Variants in NRXN1 observed in about 807,000 individuals in gnomAD.
NRXN1 encodes the protein neurexin-1.
A neutral mutation model predicts 150.9 loss-of-function variants in NRXN1; 39 were observed. That is an observed-to-expected ratio of 0.26 (90% CI 0.20 to 0.34). The LOEUF (loss-of-function observed/expected upper bound fraction) is 0.34. NRXN1 is among the 10% of genes least tolerant of loss of function. NRXN1 has a pLI of 1.00. For synonymous variants in NRXN1, 924 were observed against 757.0 expected (o/e 1.22, Z -3.62); for missense variants, 1,815 against 1,949.9 (o/e 0.93, Z 1.30).
intron 2 of NRXN1, among the ~76,000 whole-genome samples, chr2:51,023,164 G>A (rs1400006678): frequency 1.3e-5 from 2 of 152,136 alleles, no homozygotes; most frequent in African/African-American, 4.8e-5. Context: ...AACAGAAAAT[G>A]TTTCCTCTTT....
chr2:50,413,254 C>T (rs1393252406), intron 17 of NRXN1, among the ~76,000 whole-genome samples: 1 of 151,968 alleles, frequency 6.6e-6, no homozygotes, highest in African/African-American at 2.4e-5. Context: ...TCTAATGATC[C>T]AATCAAAAAA....
chr2:50,846,197 G>A (rs776814815), intron 5 of NRXN1, among the ~76,000 whole-genome samples: 2 of 152,092 alleles, frequency 1.3e-5, no homozygotes, highest in Non-Finnish European at 2.9e-5. Flanking sequence ...ACAACCACCA[G>A]GTTGTTCATT....
At chr2:50,166,279 ATGTGTGTGTGTGTGTGTGTGTGTGTG>A in intron 18 of NRXN1, among the ~76,000 whole-genome samples, 1 of 131,614 alleles carries the variant, frequency 7.6e-6, no homozygotes, top group African/African-American at 2.8e-5. Flanking sequence ...TACTCAACGT[ATGTGTGTGTGTGTGTGTGTGTGTGTG>A]TGTGTGTGTG....
chr2:50,310,824 A>T (rs541132112), intron 17 of NRXN1, among the ~76,000 whole-genome samples: 1 of 152,284 alleles, frequency 6.6e-6, no homozygotes, highest in South Asian at 2.1e-4. Context: ...CGAGATTAAC[A>T]CAGCAGACAG....
At chr2:50,008,955 T>C (rs1685206667) in intron 21 of NRXN1, among the ~76,000 whole-genome samples, 1 of 152,090 alleles carries the variant, frequency 6.6e-6, no homozygotes, top group South Asian at 2.1e-4. Context: ...AATTTCTTCA[T>C]AAAACAATGA....
chr2:50,130,517 A>G (rs949038398), intron 18 of NRXN1, among the ~76,000 whole-genome samples: 3 of 152,164 alleles, frequency 2.0e-5, no homozygotes, highest in African/African-American at 7.2e-5. Flanking sequence ...GAAATTAAGG[A>G]GGTATCTTCT....
intron 8 of NRXN1, among the ~76,000 whole-genome samples, chr2:50,577,180 C>T (rs1485808371): frequency 6.6e-6 from 1 of 151,972 alleles, no homozygotes; most frequent in Non-Finnish European, 1.5e-5. Flanking sequence ...GTAATGTAAG[C>T]TGAGAGACAA....
intron 5 of NRXN1, among the ~76,000 whole-genome samples, chr2:50,892,748 T>G (rs896558905): frequency 1.3e-5 from 2 of 152,190 alleles, no homozygotes; most frequent in Admixed American, 6.5e-5. Flanking sequence ...ATACATATAT[T>G]TATTCATAAC....
chr2:49,937,169 T>C (rs534586302), intron 22 of NRXN1, among the ~76,000 whole-genome samples: 21 of 152,342 alleles, frequency 1.4e-4, no homozygotes, highest in African/African-American at 5.1e-4. Context: ...CTCCAAACTG[T>C]AAAACTATCC....
intron 5 of NRXN1, among the ~76,000 whole-genome samples, chr2:50,735,686 AT>A (rs1323762909): frequency 6.6e-6 from 1 of 152,128 alleles, no homozygotes. Flanking sequence ...ACGTCCCTCA[AT>A]TAGTCCCATA....
chr2:50,631,251 C>A lies in NRXN1; in HGVS notation c.833-7636G>T, dbSNP rs536400584. On this transcript the variant is annotated intron_variant, in intron 5 of 22. Coordinates refer to ENST00000401669, the MANE Select transcript of NRXN1 (RefSeq NM_001330078.2). ...GAGTAATCAAGATTTATAAAATATT[C>A]ACTCTTCAAGACTTATCTCACTTAG... 5.2e-6 allele frequency: 2 copies of A among 381,918 alleles called. 1 individual carries two copies. The highest frequency in any genetic ancestry group is 4.2e-5 in the South Asian group (2 of 47,130). 23.7% of individuals were successfully genotyped at this position (381,918 alleles called of 1,614,324 possible).
At chr2:50,986,007 C>CAATA (rs1363490625) in intron 2 of NRXN1, among the ~76,000 whole-genome samples, 1 of 151,336 alleles carries the variant, frequency 6.6e-6, no homozygotes. Flanking sequence ...CAAAAGTGAC[C>CAATA]AATAAATATA....
At chr2:50,610,951 G>A (rs1268091218) in intron 8 of NRXN1, among the ~76,000 whole-genome samples, 2 of 148,656 alleles carry the variant, frequency 1.3e-5, no homozygotes, top group East Asian at 4.0e-4. Flanking sequence ...TCACCATGTT[G>A]GCCAGGCTGG....
Position 50,921,853 on chromosome 2 carries a change from TA to T in NRXN1, c.832+15del. On this transcript the variant is annotated intron_variant, in intron 5 of 22. Transcript: ENST00000401669. Reference sequence around the variant, plus strand: ...TCATACAGATGATATTAAGAAGAAATAAAATAATGTAATACCTTTACTTTTA... The same window carrying T: ...TCATACAGATGATATTAAGAAGAAATAAATAATGTAATACCTTTACTTTTA... 2.3e-6 allele frequency: 3 copies of T among 1,285,126 alleles called. No individual in the cohort carries two copies. Among genetic ancestry groups the T allele is most frequent in the Non-Finnish European group, 3.2e-6 (3 of 951,196 alleles). 79.6% of individuals were successfully genotyped at this position (1,285,126 alleles called of 1,614,324 possible).
chr2:49,997,428 G>A (rs17493081), intron 21 of NRXN1, among the ~76,000 whole-genome samples: 70,768 of 151,972 alleles, frequency 0.47, 17,105 homozygotes, highest in Middle Eastern at 0.6. Flanking sequence ...ATTACCTATA[G>A]GCAAGGCATA....
chr2:50,424,328 G>A (rs1210074006), intron 17 of NRXN1, among the ~76,000 whole-genome samples: 1 of 136,652 alleles, frequency 7.3e-6, no homozygotes, highest in African/African-American at 2.7e-5. Context: ...GGAGGAGGAG[G>A]AGGGGGAGGA....
intron 5 of NRXN1, among the ~76,000 whole-genome samples, chr2:50,915,954 C>G (rs1558414218): frequency 6.8e-6 from 1 of 148,116 alleles, no homozygotes; most frequent in South Asian, 2.2e-4. Context: ...AATATGAACC[C>G]AGCTCTTATG....
chr2:50,353,609 TA>T (rs1480174238), intron 17 of NRXN1, among the ~76,000 whole-genome samples: 12 of 152,284 alleles, frequency 7.9e-5, no homozygotes, highest in Admixed American at 1.3e-4. Context: ...TAAAATCTAT[TA>T]AACACACAAT....
intron 18 of NRXN1, among the ~76,000 whole-genome samples, chr2:50,100,565 A>G (rs893886942): frequency 6.6e-6 from 1 of 152,118 alleles, no homozygotes; most frequent in African/African-American, 2.4e-5. Flanking sequence ...TTCTTTACAC[A>G]GTATTTGAGA....
Sources: gnomAD v4.1 joint callset for allele counts (sites outside exome capture counted in the v4.1 genomes callset) on GRCh38, gnomAD v4.1.1 for gene constraint, MANE v1.5 for transcripts, NCBI Gene and HGNC (gene_info 2026-07-23, HGNC 2026-07-21) for gene names.